RAD51B: variants seen among roughly 807,000 people sequenced by gnomAD.
RAD51B encodes RAD51 paralog B.
A neutral mutation model predicts 42.2 loss-of-function variants in RAD51B; 38 were observed. The observed-to-expected ratio is 0.90, with a 90% CI of 0.70 to 1.18. The LOEUF (loss-of-function observed/expected upper bound fraction) is 1.18. Among genes scored for constraint, RAD51B ranks in the 50% most tolerant of loss-of-function variants. The pLI is 0.00. For synonymous variants in RAD51B, 154 were observed against 145.2 expected, an observed-to-expected ratio of 1.06 and a Z score of -0.43; for missense variants, 373 against 400.7, an observed-to-expected ratio of 0.93 and a Z score of 0.59.
intron 8 of RAD51B, among the ~76,000 whole-genome samples, chr14:68,321,949 T>A (rs2082164686): frequency 6.6e-6 from 1 of 152,040 alleles, no homozygotes. Flanking sequence ...AATTTTTGTA[T>A]TTTTGGTAGA....
chr14:68,590,676 A>G (rs1308086682), intron 10 of RAD51B, among the ~76,000 whole-genome samples: 1 of 152,200 alleles, frequency 6.6e-6, no homozygotes, highest in Admixed American at 6.5e-5. Flanking sequence ...CCTTACCTGA[A>G]GTTAGACCCA....
intron 7 of RAD51B, among the ~76,000 whole-genome samples, chr14:68,274,511 C>A (rs1000232576): frequency 2.0e-5 from 3 of 152,256 alleles, no homozygotes; most frequent in African/African-American, 7.2e-5. Context: ...AATCAGATTT[C>A]CCTGATTGTC....
intron 10 of RAD51B, among the ~76,000 whole-genome samples, chr14:68,648,133 G>A (rs1254704991): frequency 3.3e-5 from 3 of 90,552 alleles, no homozygotes; most frequent in African/African-American, 8.6e-5. Context: ...ATACACACAC[G>A]TATATATATA....
chr14:68,339,689 A>G (rs142339257), intron 8 of RAD51B, among the ~76,000 whole-genome samples: 5 of 152,324 alleles, frequency 3.3e-5, no homozygotes, highest in Admixed American at 2.6e-4. Flanking sequence ...AACGTTACAG[A>G]TGCCACTAAG....
rs1891656524 is a variant in RAD51B, at chr14:68,610,922, C to T, written c.1037-84C>T. 3 of 641,368 alleles carry T rather than the reference C, an allele frequency of 4.7e-6. No homozygotes were observed. In the African/African-American group the frequency reaches 5.4e-5, roughly 12 times the overall value. The allele number at this position is 641,368 out of a possible 1,614,324, so 39.7% of individuals were successfully genotyped here. Reference sequence around the variant, plus strand: ...GTTGTGTAACCCTGCAGGCCATGAACAGTTATTATTCAATGTTGTTTCCTA... The same window carrying T: ...GTTGTGTAACCCTGCAGGCCATGAATAGTTATTATTCAATGTTGTTTCCTA... On this transcript the variant is annotated intron_variant, in intron 10 of 10. Transcript: ENST00000487861.
intron 8 of RAD51B, among the ~76,000 whole-genome samples, chr14:68,345,352 TG>T (rs1258012730): frequency 6.6e-6 from 1 of 152,122 alleles, no homozygotes; most frequent in Non-Finnish European, 1.5e-5. Context: ...GTGTTGGAGG[TG>T]GGGCTTGGTG....
intron 5 of RAD51B, among the ~76,000 whole-genome samples, chr14:67,868,977 A>G (rs1361987932): frequency 6.6e-6 from 1 of 152,272 alleles, no homozygotes; most frequent in African/African-American, 2.4e-5. Context: ...AAAACCACAA[A>G]GATGGGGAAA....
intron 10 of RAD51B, among the ~76,000 whole-genome samples, chr14:68,474,334 C>T (rs1424380577): frequency 1.3e-5 from 2 of 152,154 alleles, no homozygotes; most frequent in Non-Finnish European, 2.9e-5. Context: ...CTCGTATAAT[C>T]GTTAAGTTTG....
chr14:67,899,284 C>T (rs530764906), intron 7 of RAD51B, among the ~76,000 whole-genome samples: 185 of 151,874 alleles, frequency 1.2e-3, no homozygotes, highest in Non-Finnish European at 1.5e-3. Flanking sequence ...CTCCTGACCT[C>T]GTGATCTGCC....
chr14:68,558,332 C>T (rs552502454), intron 10 of RAD51B, among the ~76,000 whole-genome samples: 70 of 152,380 alleles, frequency 4.6e-4, no homozygotes, highest in African/African-American at 1.7e-3. Flanking sequence ...ATGAAGGCTT[C>T]GCTTCATTCC....
intron 10 of RAD51B, among the ~76,000 whole-genome samples, chr14:68,530,106 TATGAGATAGTAA>T (rs1162526257): frequency 6.6e-6 from 1 of 151,980 alleles, no homozygotes; most frequent in Non-Finnish European, 1.5e-5. Context: ...TATACATACA[TATGAGATAGTAA>T]ACCTATCTAC....
rs191871558 is a variant in RAD51B at position 68,349,797 on chromosome 14, G to T, written c.853+57817G>T. On this transcript the variant is annotated intron_variant, in intron 8 of 10. Coordinates refer to ENST00000471583, the MANE Select transcript of RAD51B (RefSeq NM_133510.4). The stretch of plus-strand genomic sequence containing the variant: ...ATTTCAGACAGCCCAGGTGATGAGG[G>T]AGCCTTGTGTTTTCTGTGAGGAACC... 1.6e-4 allele frequency among the ~76,000 whole-genome samples: 24 copies of T among 152,318 alleles called. No homozygotes were observed. The East Asian group carries it at 4.6e-3, about 29-fold the overall frequency.
At chr14:68,437,834 G>A (rs2085183550) in intron 9 of RAD51B, among the ~76,000 whole-genome samples, 1 of 152,174 alleles carries the variant, frequency 6.6e-6, no homozygotes, top group East Asian at 1.9e-4. Flanking sequence ...TCACAAGGAA[G>A]TGATGGCCAG....
At chr14:67,977,447 G>A (rs1186602746) in intron 7 of RAD51B, among the ~76,000 whole-genome samples, 7 of 152,214 alleles carry the variant, frequency 4.6e-5, no homozygotes, top group Non-Finnish European at 1.0e-4. Context: ...TATCAGAATT[G>A]GCTTTTAGCC....
At chr14:68,392,654 AC>A (rs2083791788) in intron 8 of RAD51B, among the ~76,000 whole-genome samples, 2 of 152,080 alleles carry the variant, frequency 1.3e-5, no homozygotes, top group East Asian at 3.9e-4. Context: ...CTCTTTTGAA[AC>A]TCTCACTTCA....
chr14:68,171,788 C>T lies in RAD51B; in HGVS notation c.757-120096C>T, dbSNP rs193094999. Among the ~76,000 whole-genome samples the T allele has an allele frequency of 1.2e-3, 184 of 152,100 alleles. 5 individuals carry two copies. The East Asian group carries it at 0.028, about 23-fold the overall frequency. On this transcript the variant is annotated intron_variant, in intron 7 of 10. Transcript: ENST00000471583. ...ATGGGGCGATCTCGGTTCACTTTAA[C>T]CTCTGCCTCCGGGGTTCAAGAGATT...
intron 10 of RAD51B, among the ~76,000 whole-genome samples, chr14:68,592,247 G>T (rs1890780277): frequency 7.1e-6 from 1 of 141,174 alleles, no homozygotes; most frequent in South Asian, 2.2e-4. Flanking sequence ...AAAGGGGTAG[G>T]CAATGATGTG....
chr14:68,516,027 C>T (rs1027899789), intron 10 of RAD51B, among the ~76,000 whole-genome samples: 4 of 151,614 alleles, frequency 2.6e-5, no homozygotes, highest in Non-Finnish European at 4.4e-5. Flanking sequence ...CCTTGTGGTC[C>T]GCCCACCTCG....
intron 10 of RAD51B, among the ~76,000 whole-genome samples, chr14:68,550,514 G>A (rs1365132113): frequency 1.3e-5 from 2 of 152,220 alleles, no homozygotes; most frequent in African/African-American, 4.8e-5. Context: ...GAAGAGGTGT[G>A]CCTGGTGTAC....
Sources: allele counts gnomAD v4.1 joint callset (sites outside exome capture counted in the v4.1 genomes callset), GRCh38; gene constraint gnomAD v4.1.1; transcripts MANE v1.5; gene names NCBI Gene and HGNC (gene_info 2026-07-23, HGNC 2026-07-21).